Variants in CARNMT1 observed in about 807,000 individuals in gnomAD.
The protein encoded by CARNMT1 is carnosine N-methyltransferase 1, also known as protein-L-histidine N-pros-methyltransferase CARNMT1.
In CARNMT1, 28 loss-of-function variants were observed where a neutral mutation model predicts 49.6. That is an observed-to-expected ratio of 0.56 (90% CI 0.42 to 0.77). The LOEUF is 0.77. Ranked by LOEUF, CARNMT1 falls within the 30% of genes least tolerant of loss-of-function variation. The probability of loss-of-function intolerance (pLI) is 0.00; values close to 1 mark genes in which losing one functional copy is unlikely to be tolerated. For synonymous variants in CARNMT1, 178 were observed against 175.0 expected (o/e 1.02, Z -0.13); for missense variants, 421 against 512.6 (o/e 0.82, Z 1.73).
intron 3 of CARNMT1, among the ~76,000 whole-genome samples, chr9:75,006,535 G>GT (rs199499388): frequency 0.017 from 2,566 of 152,144 alleles, 32 homozygotes; most frequent in Middle Eastern, 0.02. Flanking sequence ...AGGAAGAAAT[G>GT]TAACAAAAAA....
intron 3 of CARNMT1, chr9:75,010,293 T>A (rs1332070835): frequency 1.3e-5 from 2 of 151,850 alleles, no homozygotes; most frequent in Non-Finnish European, 1.5e-5. Flanking sequence ...CCAGCTAATT[T>A]TTTGTATTTT....
chr9:74,990,543 A>G (rs1332502470), intron 6 of CARNMT1, among the ~76,000 whole-genome samples: 1 of 152,234 alleles, frequency 6.6e-6, no homozygotes. Context: ...ACATACACGC[A>G]TATACATGAT....
chr9:74,986,723 G>A lies in CARNMT1; in HGVS notation c.1025-1713C>T, dbSNP rs1257521795. Among the ~76,000 whole-genome samples the A allele has an allele frequency of 2.6e-5, 4 of 151,950 alleles. No individual in the cohort carries two copies. In the East Asian group the frequency reaches 5.8e-4, roughly 22 times the overall value. Reference sequence around the variant, plus strand: ...CAACCCTCCAACTCAAGCTTTAGCCGTGCTTCAAAACCTTGCTGAAATCCA... The same window carrying A: ...CAACCCTCCAACTCAAGCTTTAGCCATGCTTCAAAACCTTGCTGAAATCCA... On this transcript the variant is annotated intron_variant, in intron 6 of 7. Coordinates refer to ENST00000376834, the MANE Select transcript of CARNMT1 (RefSeq NM_152420.3).
chr9:75,016,599 T>C (rs1833861525), intron 2 of CARNMT1, 168 bp from the exon 3 acceptor site: 2 of 604,822 alleles, frequency 3.3e-6, no homozygotes, highest in Non-Finnish European at 5.7e-6. Context: ...TGAAAAGAGT[T>C]TGGTGGTCTC....
At chr9:74,989,446 G>A (rs1173987450) in intron 6 of CARNMT1, among the ~76,000 whole-genome samples, 1 of 152,092 alleles carries the variant, frequency 6.6e-6, no homozygotes, top group African/African-American at 2.4e-5. Context: ...GCATATTTAT[G>A]TTGTACAGCC....
At chr9:74,998,547 T>A in intron 5 of CARNMT1, 51 bp downstream of exon 5, 2 of 1,407,976 alleles carry the variant, frequency 1.4e-6, no homozygotes, top group South Asian at 3.4e-5. Context: ...AACTAGCTCA[T>A]TAAATTTAGA....
rs569579166 is a variant in CARNMT1, at chr9:74,983,710, T to C, written c.*57A>G. 6.4e-5 allele frequency: 67 copies of C among 1,040,084 alleles called. No homozygotes were observed. The highest frequency in any genetic ancestry group is 3.6e-4 in the East Asian group (15 of 41,286). 64.4% of individuals were successfully genotyped at this position (1,040,084 alleles called of 1,614,324 possible). ...ATCACTGATAGTTGATTTTGAGTCG[T>C]TGATTTCAGCATTTGTTCTTACTAA... On this transcript the variant is annotated 3_prime_UTR_variant, in exon 8 of 8. Transcript: ENST00000376834.
chr9:74,980,877 T>C lies in CARNMT1; in HGVS notation c.*2890A>G, dbSNP rs1334014485. On this transcript the variant is annotated 3_prime_UTR_variant, in exon 8 of 8. Transcript: ENST00000376834. ...AGTTAGTATAAGGCCTGGCATATTA[T>C]AAGGCGAAGTATTCATGTTACTGAC... 1 of 152,168 alleles carries C rather than the reference T, an allele frequency of 6.6e-6. No individual in the cohort carries two copies. The highest frequency in any genetic ancestry group is 1.9e-4 in the East Asian group (1 of 5,196). 9.4% of individuals were successfully genotyped at this position (152,168 alleles called of 1,614,324 possible). A position where few individuals can be genotyped will look rare whatever the true frequency, so the allele number is the denominator to read the frequency against.
chr9:74,991,273 GCTGT>G (rs996334931), intron 6 of CARNMT1: 1 of 152,342 alleles, frequency 6.6e-6, no homozygotes, highest in Non-Finnish European at 1.5e-5. Flanking sequence ...CTCCCGAGTA[GCTGT>G]GACTACAGGT....
At chr9:75,006,474 T>A (rs1046480705) in intron 3 of CARNMT1, among the ~76,000 whole-genome samples, 3 of 152,242 alleles carry the variant, frequency 2.0e-5, no homozygotes, top group Non-Finnish European at 4.4e-5. Flanking sequence ...TAGCTCACCT[T>A]ATCTACTATA....
chr9:75,027,565 G>T, intron 1 of CARNMT1: 1 of 685,088 alleles, frequency 1.5e-6, no homozygotes, highest in Non-Finnish European at 1.8e-6. Context: ...GGGAAAATAC[G>T]TCCTACAGCA....
rs1232347779 is a variant in CARNMT1 at position 74,982,237 on chromosome 9, A to G, written c.*1530T>C. 6.6e-6 allele frequency: 1 copy of G among 152,228 alleles called. No individual in the cohort carries two copies. Among genetic ancestry groups the G allele is most frequent in the Non-Finnish European group, 1.5e-5 (1 of 68,024 alleles). 9.4% of individuals were successfully genotyped at this position (152,228 alleles called of 1,614,324 possible). A position where few individuals can be genotyped will look rare whatever the true frequency, so the allele number is the denominator to read the frequency against. On this transcript the variant is annotated 3_prime_UTR_variant, in exon 8 of 8. Coordinates refer to ENST00000376834, the MANE Select transcript of CARNMT1 (RefSeq NM_152420.3). ...GATTTACAAGTAACTTTTCCTATTA[A>G]AACATGACATTTATGCGACCAGCAC...
chr9:74,995,161 A>G (rs1779990), intron 6 of CARNMT1, among the ~76,000 whole-genome samples: 147,396 of 152,306 alleles, frequency 0.97, 71,493 homozygotes, highest in East Asian at 1. Flanking sequence ...ATTTAATTAT[A>G]TAAACACAGG....
At position 74,983,550 on chromosome 9, in the gene CARNMT1, T is replaced by C. The variant is rs527841648; in HGVS notation, c.*217A>G. 1 of 360,148 alleles carries C rather than the reference T, an allele frequency of 2.8e-6. No individual in the cohort carries two copies. Among genetic ancestry groups the C allele is most frequent in the East Asian group, 4.2e-5 (1 of 23,876 alleles). The allele number at this position is 360,148 out of a possible 1,614,324, so 22.3% of individuals were successfully genotyped here. ...GTATACTTCAAGACATTTCCTCCAT[T>C]TTTACTTGTGTAGTACAAATCTGCA... On this transcript the variant is annotated 3_prime_UTR_variant, in exon 8 of 8. Transcript: ENST00000376834.
chr9:75,017,290 C>T lies in CARNMT1; in HGVS notation c.389G>A (p.Cys130Tyr). 1 of 1,613,504 alleles carries T rather than the reference C, an allele frequency of 6.2e-7. No individual in the cohort carries two copies. Among genetic ancestry groups the T allele is most frequent in the South Asian group, 1.1e-5 (1 of 91,020 alleles). Reference protein sequence around the residue: ...QEILLTIVNDCIHMFENKEYG... With the variant: ...QEILLTIVNDYIHMFENKEYG... ...TTCTTTATTTTCAAACATATGTATG[C>T]AATCATTCACAATGGTCAGTAGTAT... Residue 130 changes from cysteine to tyrosine, a missense_variant, in exon 2 of 8, where the codon TGC becomes TAC. By Grantham distance (194) the Cys-to-Tyr change is radical. Around this residue, in one of 2 missense-constraint regions of CARNMT1, gnomAD observed 235 missense variants for 344.8 expected, o/e 0.68. Transcript: ENST00000376834.
intron 6 of CARNMT1, among the ~76,000 whole-genome samples, chr9:74,988,392 T>C (rs1323217742): frequency 4.6e-5 from 7 of 152,220 alleles, no homozygotes; most frequent in Admixed American, 2.6e-4. Flanking sequence ...CTTGCAGTCT[T>C]TCCTTGATGT....
Position 75,016,428 on chromosome 9 carries a change from T to C in CARNMT1, c.430A>G (p.Asn144Asp), listed in dbSNP as rs777524962. ...GTAGATGCTGGCATAATCTTTCCAT[T>C]CCCCTGTTTAAAAAACAGACATCAA... ...FENKEYGEDG[N>D]GKIMPASTFD... The change falls in exon 3 of 8, where the codon AAT (asparagine) becomes GAT (aspartate). Residue 144 changes from asparagine to aspartate, a missense_variant. Physicochemically the swap from Asn to Asp is conservative, Grantham distance 23. Around this residue, in one of 2 missense-constraint regions of CARNMT1, gnomAD observed 235 missense variants for 344.8 expected, o/e 0.68. Transcript: ENST00000376834. 2.4e-5 allele frequency: 39 copies of C among 1,612,680 alleles called. No individual in the cohort carries two copies. The highest frequency in any genetic ancestry group is 5.0e-5 in the Admixed American group (3 of 59,796).
At chr9:74,986,357 G>A (rs1228108062) in intron 6 of CARNMT1, among the ~76,000 whole-genome samples, 1 of 152,152 alleles carries the variant, frequency 6.6e-6, no homozygotes, top group Non-Finnish European at 1.5e-5. Flanking sequence ...AAATGACCAT[G>A]AATATAATGT....
chr9:75,020,568 C>T (rs1822317933), intron 1 of CARNMT1, among the ~76,000 whole-genome samples: 1 of 151,972 alleles, frequency 6.6e-6, no homozygotes, highest in Non-Finnish European at 1.5e-5. Context: ...ACCCAGCCTT[C>T]ATTTTCATTT....
Sources: gnomAD v4.1 joint callset for allele counts (sites outside exome capture counted in the v4.1 genomes callset) on GRCh38, gnomAD v4.1.1 for gene constraint, gnomAD v4.1.1 regional missense constraint, MANE v1.5 for transcripts, NCBI Gene and HGNC (gene_info 2026-07-23, HGNC 2026-07-21) for gene names.